The following DAB2IP variants were observed in gnomAD, a reference collection of about 807,000 sequenced individuals.
The protein encoded by DAB2IP is DAB2 interacting protein.
Under a neutral mutation model 107.2 loss-of-function variants are expected in DAB2IP, and 28 were observed. That is an observed-to-expected ratio of 0.26 (90% CI 0.19 to 0.36). The LOEUF (loss-of-function observed/expected upper bound fraction) is 0.36. Among genes scored for constraint, DAB2IP ranks in the 10% least tolerant of loss-of-function variants. The pLI is 1.00. For synonymous variants in DAB2IP, 755 were observed against 706.4 expected, an observed-to-expected ratio of 1.07 and a Z score of -1.09; for missense variants, 1,400 against 1,644.7, an observed-to-expected ratio of 0.85 and a Z score of 2.57.
chr9:121,669,597 A>G (rs184894661), intron 1 of DAB2IP, among the ~76,000 whole-genome samples: 1 of 152,288 alleles, frequency 6.6e-6, no homozygotes, highest in African/African-American at 2.4e-5. Flanking sequence ...CAAGTCTATA[A>G]CTGTGTAGCT....
intron 1 of DAB2IP, among the ~76,000 whole-genome samples, chr9:121,630,799 G>C (rs758634615): frequency 6.6e-6 from 1 of 151,930 alleles, no homozygotes; most frequent in East Asian, 2.0e-4. Flanking sequence ...GTAGAGACAG[G>C]GTTTCACCAT....
intron 3 of DAB2IP, chr9:121,742,849 G>A (rs1458688144): frequency 2.9e-5 from 29 of 985,376 alleles, no homozygotes; most frequent in Non-Finnish European, 3.5e-5. Context: ...GGAAGATGAA[G>A]GAAAAGATAG....
At chr9:121,680,755 TTTTTTGA>T (rs1272958017) in intron 2 of DAB2IP, among the ~76,000 whole-genome samples, 1 of 47,104 alleles carries the variant, frequency 2.1e-5, no homozygotes, top group Non-Finnish European at 4.2e-5. Flanking sequence ...TTTTTTTTTT[TTTTTTGA>T]GACAGAATCT....
intron 1 of DAB2IP, among the ~76,000 whole-genome samples, chr9:121,628,727 C>T (rs1173202176): frequency 2.0e-5 from 3 of 152,180 alleles, no homozygotes; most frequent in Non-Finnish European, 4.4e-5. Flanking sequence ...GGCAAACCTT[C>T]TTTAGAGAGG....
intron 8 of DAB2IP, among the ~76,000 whole-genome samples, chr9:121,764,312 A>C (rs1834111978): frequency 6.6e-6 from 1 of 152,230 alleles, no homozygotes; most frequent in Admixed American, 6.5e-5. Flanking sequence ...AGCACCAGGC[A>C]GGCCTCTTGC....
exon 9 of DAB2IP, chr9:121,766,596 C>T: frequency 1.2e-6 from 2 of 1,614,106 alleles, no homozygotes; most frequent in Non-Finnish European, 1.7e-6. Flanking sequence ...GCGCCTCCCT[C>T]TTCCTGCGCT....
intron 3 of DAB2IP, among the ~76,000 whole-genome samples, chr9:121,730,426 A>C (rs1472263605): frequency 5.3e-5 from 8 of 152,180 alleles, no homozygotes; most frequent in African/African-American, 1.9e-4. Flanking sequence ...TTATAGCTCC[A>C]TATTGGTAGC....
At chr9:121,579,635 G>A (rs936225787) in intron 1 of DAB2IP, among the ~76,000 whole-genome samples, 2 of 152,028 alleles carry the variant, frequency 1.3e-5, no homozygotes, top group African/African-American at 2.4e-5. Flanking sequence ...GCACCTGACC[G>A]GTTCTGCTCA....
At chr9:121,755,235 A>G (rs369728490) in intron 3 of DAB2IP, among the ~76,000 whole-genome samples, 1 of 151,606 alleles carries the variant, frequency 6.6e-6, no homozygotes, top group East Asian at 1.9e-4. Context: ...TGGCGGTGTG[A>G]TGTGGTGGTG....
exon 16 of DAB2IP, chr9:121,784,408 C>G (rs866092350): frequency 6.6e-6 from 1 of 152,652 alleles, no homozygotes; most frequent in Admixed American, 6.5e-5. Context: ...TCGGACAGAG[C>G]CCCCCTAGCA....
chr9:121,731,872 C>T (rs1831562266), intron 3 of DAB2IP, among the ~76,000 whole-genome samples: 1 of 152,186 alleles, frequency 6.6e-6, no homozygotes. Context: ...CCTGACCTTT[C>T]AGGAAGCATG....
At chr9:121,590,634 C>T (rs13284935) in intron 1 of DAB2IP, among the ~76,000 whole-genome samples, 36,101 of 152,068 alleles carry the variant, frequency 0.24, 5,166 homozygotes, top group South Asian at 0.39. Context: ...TCTGGCAAAG[C>T]ACTCAAACTT....
chr9:121,594,626 G>C (rs1830490699), intron 1 of DAB2IP, among the ~76,000 whole-genome samples: 1 of 152,150 alleles, frequency 6.6e-6, no homozygotes, highest in Non-Finnish European at 1.5e-5. Flanking sequence ...TGACAGTTTG[G>C]AATGATCCCT....
At chr9:121,648,853 C>G (rs58251826), upstream of DAB2IP, among the ~76,000 whole-genome samples, 440 of 152,232 alleles carry the variant, frequency 2.9e-3, 2 homozygotes, top group African/African-American at 0.01. Context: ...GTTGGTCTGT[C>G]ACAGGAAGCA....
At chr9:121,571,157 C>T (rs2118882402) in intron 1 of DAB2IP, among the ~76,000 whole-genome samples, 1 of 152,188 alleles carries the variant, frequency 6.6e-6, no homozygotes, top group Middle Eastern at 3.4e-3. Context: ...TCAGAGAAGC[C>T]CTCCTTAAAC....
chr9:121,773,930 G>C (rs906143890), intron 12 of DAB2IP, among the ~76,000 whole-genome samples: 1 of 152,202 alleles, frequency 6.6e-6, no homozygotes, highest in South Asian at 2.1e-4. Flanking sequence ...TGGAGTGGAG[G>C]TGCCTTGGGC....
intron 3 of DAB2IP, among the ~76,000 whole-genome samples, chr9:121,712,747 T>C (rs972580453): frequency 2.0e-5 from 3 of 152,232 alleles, no homozygotes; most frequent in Non-Finnish European, 4.4e-5. Flanking sequence ...ATTTCTTAAA[T>C]GGGTTCTACT....
At chr9:121,665,273 G>C (rs1188231747) in intron 1 of DAB2IP, among the ~76,000 whole-genome samples, 3 of 152,188 alleles carry the variant, frequency 2.0e-5, no homozygotes, top group Non-Finnish European at 4.4e-5. Flanking sequence ...GAAGGCCAAG[G>C]CTGGAAGGAG....
intron 3 of DAB2IP, among the ~76,000 whole-genome samples, chr9:121,705,157 C>T (rs574621909): frequency 6.6e-5 from 10 of 152,182 alleles, no homozygotes; most frequent in Non-Finnish European, 8.8e-5. Flanking sequence ...TTTTTAGGAA[C>T]GGTGGAAATT....
Sources: allele counts gnomAD v4.1 joint callset (sites outside exome capture counted in the v4.1 genomes callset), GRCh38; gene constraint gnomAD v4.1.1; transcripts MANE v1.5; gene names NCBI Gene and HGNC (gene_info 2026-07-23, HGNC 2026-07-21).